KCNB2: variants seen among roughly 807,000 people sequenced by gnomAD.
KCNB2 encodes delayed rectifier potassium channel protein.
In KCNB2, 15 loss-of-function variants were observed where a neutral mutation model predicts 61.5. That is an observed-to-expected ratio of 0.24 (90% CI 0.16 to 0.38). KCNB2 has a LOEUF of 0.38. Ranked by LOEUF, KCNB2 falls within the 10% of genes least tolerant of loss-of-function variation. The pLI, the probability that KCNB2 is intolerant of heterozygous loss-of-function variation, is 1.00. For missense variants in KCNB2, 828 were observed against 1,125.2 expected (o/e 0.74, Z 3.78); for synonymous variants, 457 against 446.0 (o/e 1.02, Z -0.31).
chr8:72,747,298 C>G (rs1808092170), intron 2 of KCNB2, among the ~76,000 whole-genome samples: 1 of 152,050 alleles, frequency 6.6e-6, no homozygotes, highest in Admixed American at 6.6e-5. Context: ...AGGAGCTGTC[C>G]CTAGTTGCAT....
At position 72,797,495 on chromosome 8, in the gene KCNB2, G is replaced by T. The variant is rs1004645792; in HGVS notation, c.580-138440G>T. Among the ~76,000 whole-genome samples the T allele has an allele frequency of 2.0e-5, 3 of 152,266 alleles. No individual in the cohort carries two copies. In the East Asian group the frequency reaches 5.8e-4, roughly 29 times the overall value. ...CCACCCTAGAGGCCACAAGAGTTTA[G>T]CTTTTACCTCCTGTCAGTTTGATCA... On this transcript the variant is annotated intron_variant, in intron 2 of 2. Coordinates refer to ENST00000523207, the MANE Select transcript of KCNB2 (RefSeq NM_004770.3).
intron 2 of KCNB2, among the ~76,000 whole-genome samples, chr8:72,704,830 G>A (rs1314933774): frequency 6.6e-6 from 1 of 152,040 alleles, no homozygotes; most frequent in Non-Finnish European, 1.5e-5. Flanking sequence ...ATATGAAACA[G>A]CATAGTATTT....
intron 2 of KCNB2, among the ~76,000 whole-genome samples, chr8:72,831,843 A>G (rs905001556): frequency 6.6e-6 from 1 of 152,256 alleles, no homozygotes; most frequent in African/African-American, 2.4e-5. Flanking sequence ...ATTTGAAGAG[A>G]CTATCCTTCA....
chr8:72,821,659 A>ACACAC (rs796436534), intron 2 of KCNB2, among the ~76,000 whole-genome samples: 1 of 117,006 alleles, frequency 8.5e-6, no homozygotes, highest in Non-Finnish European at 1.7e-5. Context: ...AAAAAAAAAA[A>ACACAC]ACACACACAC....
chr8:72,934,394 CAAA>C (rs11392513), intron 2 of KCNB2, among the ~76,000 whole-genome samples: 2 of 83,846 alleles, frequency 2.4e-5, no homozygotes, highest in Non-Finnish European at 4.2e-5. Context: ...TCACCCCCCG[CAAA>C]AAAAAAAAAA....
chr8:72,650,578 G>T (rs892953294), intron 2 of KCNB2, among the ~76,000 whole-genome samples: 3 of 152,094 alleles, frequency 2.0e-5, no homozygotes, highest in Non-Finnish European at 2.9e-5. Flanking sequence ...AAGGGTCACC[G>T]CCAGGTCTCT....
intron 2 of KCNB2, among the ~76,000 whole-genome samples, chr8:72,657,831 C>A (rs1026922045): frequency 6.6e-6 from 1 of 151,974 alleles, no homozygotes; most frequent in East Asian, 1.9e-4. Context: ...ATTTATATAA[C>A]GTATATCTAA....
chr8:72,781,622 T>A (rs1002629294), intron 2 of KCNB2, among the ~76,000 whole-genome samples: 1 of 152,198 alleles, frequency 6.6e-6, no homozygotes, highest in Non-Finnish European at 1.5e-5. Flanking sequence ...AGCCTTGTAG[T>A]ATAGTTTGAA....
chr8:72,748,521 TA>T (rs1350357519), intron 2 of KCNB2, among the ~76,000 whole-genome samples: 6 of 152,010 alleles, frequency 3.9e-5, no homozygotes, highest in Non-Finnish European at 8.8e-5. Flanking sequence ...GGAAGGGTCT[TA>T]GAGAAGAAGG....
chr8:72,765,496 T>C (rs1808446326), intron 2 of KCNB2, among the ~76,000 whole-genome samples: 1 of 152,238 alleles, frequency 6.6e-6, no homozygotes, highest in African/African-American at 2.4e-5. Flanking sequence ...TCTTTATCTC[T>C]GAGAGGCTCC....
intron 2 of KCNB2, among the ~76,000 whole-genome samples, chr8:72,699,585 C>T (rs866939039): frequency 2.0e-4 from 31 of 151,922 alleles, no homozygotes; most frequent in Admixed American, 5.9e-4. Flanking sequence ...GCTGTGCAGA[C>T]GCTCTTTAGT....
intron 2 of KCNB2, among the ~76,000 whole-genome samples, chr8:72,805,620 G>T (rs1809206721): frequency 6.6e-6 from 1 of 152,138 alleles, no homozygotes; most frequent in Non-Finnish European, 1.5e-5. Flanking sequence ...TTTAAAATTA[G>T]CCCTTTTTAC....
In KCNB2 at chr8:72,592,531, G is replaced by A. The variant is rs141844128; in HGVS notation, c.579+24218G>A. 2.6e-4 allele frequency among the ~76,000 whole-genome samples: 39 copies of A among 151,844 alleles called. 1 individual carries two copies. In the East Asian group the frequency reaches 7.2e-3, roughly 28 times the overall value. ...TACCTAAAATTATGTTGTCTTTGGG[G>A]CTGCTCACAAGTATATTTTTTATGT... On this transcript the variant is annotated intron_variant, in intron 2 of 2. Coordinates refer to ENST00000523207, the MANE Select transcript of KCNB2 (RefSeq NM_004770.3).
At chr8:72,707,850 A>G (rs1000455175) in intron 2 of KCNB2, among the ~76,000 whole-genome samples, 4 of 152,176 alleles carry the variant, frequency 2.6e-5, no homozygotes, top group Admixed American at 6.5e-5. Flanking sequence ...AGACCACAGA[A>G]CACATTCGCA....
intron 2 of KCNB2, among the ~76,000 whole-genome samples, chr8:72,600,544 G>A (rs1276412618): frequency 6.6e-6 from 1 of 151,438 alleles, no homozygotes; most frequent in Admixed American, 6.6e-5. Context: ...GTATACATAT[G>A]TAACAAACCT....
intron 2 of KCNB2, among the ~76,000 whole-genome samples, chr8:72,682,259 C>T (rs1035546944): frequency 6.6e-6 from 1 of 152,116 alleles, no homozygotes; most frequent in Non-Finnish European, 1.5e-5. Context: ...GTAGCATAGT[C>T]TCCTGAAAAG....
At chr8:72,683,112 G>A (rs984364293) in intron 2 of KCNB2, among the ~76,000 whole-genome samples, 1 of 152,294 alleles carries the variant, frequency 6.6e-6, no homozygotes. Flanking sequence ...TGTTTATCCT[G>A]GCATAATGAA....
At chr8:72,589,980 C>T (rs945697157) in intron 2 of KCNB2, among the ~76,000 whole-genome samples, 6 of 152,108 alleles carry the variant, frequency 3.9e-5, no homozygotes, top group Non-Finnish European at 7.4e-5. Context: ...GCTCATTAGG[C>T]TCTTATAATG....
At chr8:72,784,548 G>A (rs1808816390) in intron 2 of KCNB2, among the ~76,000 whole-genome samples, 2 of 152,148 alleles carry the variant, frequency 1.3e-5, no homozygotes, top group Non-Finnish European at 2.9e-5. Context: ...CCATCATGAT[G>A]GAAGGGGAAG....
Sources: gnomAD v4.1 joint callset for allele counts (sites outside exome capture counted in the v4.1 genomes callset) on GRCh38, gnomAD v4.1.1 for gene constraint, MANE v1.5 for transcripts, NCBI Gene and HGNC (gene_info 2026-07-23, HGNC 2026-07-21) for gene names.